The following TMEM267 variants were observed in gnomAD, a reference collection of about 807,000 sequenced individuals.
TMEM267 encodes the protein transmembrane protein 267.
In TMEM267, 20 loss-of-function variants were observed where a neutral mutation model predicts 19.3. The ratio of observed to expected loss-of-function variants is 1.04; its 90% CI spans 0.73 to 1.51. The LOEUF (loss-of-function observed/expected upper bound fraction) is 1.51, where lower values mean the gene tolerates loss of function less well. TMEM267 is among the 40% of genes most tolerant of loss of function. The probability of loss-of-function intolerance (pLI) is 0.00; values close to 1 mark genes in which losing one functional copy is unlikely to be tolerated. For synonymous variants in TMEM267, 88 were observed against 90.3 expected, an observed-to-expected ratio of 0.97 and a Z score of 0.15; for missense variants, 242 against 261.9, an observed-to-expected ratio of 0.92 and a Z score of 0.52.
intron 1 of TMEM267, among the ~76,000 whole-genome samples, chr5:43,462,838 A>G (rs1220553101): frequency 5.9e-5 from 9 of 152,206 alleles, no homozygotes; most frequent in Non-Finnish European, 1.0e-4. Context: ...AGAAAGCAGG[A>G]AAGACCCAAA....
chr5:43,447,145 T>C (rs1002542096), intron 2 of TMEM267, among the ~76,000 whole-genome samples: 23 of 151,068 alleles, frequency 1.5e-4, no homozygotes, highest in Non-Finnish European at 5.9e-5. Context: ...CAGGCTGGAG[T>C]GCGGTGGCGC....
intron 1 of TMEM267, among the ~76,000 whole-genome samples, chr5:43,458,896 T>C (rs1743099908): frequency 6.6e-6 from 1 of 152,036 alleles, no homozygotes; most frequent in Admixed American, 6.6e-5. Context: ...TGAGAACATT[T>C]GCAAATAATT....
At position 43,447,385 on chromosome 5, in the gene TMEM267, C is replaced by T. The variant is rs145419426; in HGVS notation, c.313-828G>A. On this transcript the variant is annotated intron_variant, in intron 2 of 2. Coordinates refer to ENST00000397080, the MANE Select transcript of TMEM267 (RefSeq NM_022483.5). The stretch of plus-strand genomic sequence containing the variant: ...GATTACAGACGTGAGCCATGACGCC[C>T]GGCAAACTTCAGTAAATTTCTAAAC... 3.5e-3 allele frequency among the ~76,000 whole-genome samples: 534 copies of T among 151,998 alleles called. 4 individuals are homozygous for T. The highest frequency in any genetic ancestry group is 6.5e-3 in the Non-Finnish European group (442 of 67,942).
chr5:43,457,140 C>T (rs115263792), intron 1 of TMEM267, among the ~76,000 whole-genome samples: 213 of 152,256 alleles, frequency 1.4e-3, no homozygotes, highest in African/African-American at 1.8e-3. Flanking sequence ...TAGAACTGTG[C>T]GACATAAAGG....
intron 1 of TMEM267, among the ~76,000 whole-genome samples, chr5:43,474,590 T>C (rs1744298660): frequency 1.3e-5 from 2 of 151,866 alleles, no homozygotes; most frequent in Admixed American, 6.6e-5. Context: ...AGAAATCCCA[T>C]CTCTACTAAA....
chr5:43,455,398 G>A (rs916030495), intron 1 of TMEM267, among the ~76,000 whole-genome samples: 1 of 151,656 alleles, frequency 6.6e-6, no homozygotes, highest in Non-Finnish European at 1.5e-5. Flanking sequence ...ATGCCAGCCT[G>A]GGCAACACAG....
At chr5:43,450,633 T>G (rs982328959) in intron 2 of TMEM267, among the ~76,000 whole-genome samples, 1 of 152,220 alleles carries the variant, frequency 6.6e-6, no homozygotes, top group African/African-American at 2.4e-5. Flanking sequence ...CAGCTGGGAT[T>G]TGACCCTGGG....
At chr5:43,477,850 G>T (rs1454229617) in intron 1 of TMEM267, among the ~76,000 whole-genome samples, 2 of 152,252 alleles carry the variant, frequency 1.3e-5, no homozygotes, top group Non-Finnish European at 1.5e-5. Context: ...CAAGCTGCAA[G>T]GCTGGAGAAG....
intron 1 of TMEM267, among the ~76,000 whole-genome samples, chr5:43,459,794 G>T (rs78748221): frequency 2.0e-5 from 3 of 152,112 alleles, no homozygotes; most frequent in African/African-American, 7.2e-5. Flanking sequence ...ATGAAGCAGT[G>T]GTCCCAGTCC....
intron 1 of TMEM267, among the ~76,000 whole-genome samples, chr5:43,460,888 T>C (rs1743218332): frequency 6.6e-6 from 1 of 152,194 alleles, no homozygotes; most frequent in South Asian, 2.1e-4. Flanking sequence ...TGAAAGGCAG[T>C]GTAGGCCTTA....
At chr5:43,459,307 A>C (rs903774504) in intron 1 of TMEM267, among the ~76,000 whole-genome samples, 6 of 152,192 alleles carry the variant, frequency 3.9e-5, no homozygotes, top group Admixed American at 6.5e-5. Context: ...GAAAAGAAAA[A>C]AAAGAAAACC....
chr5:43,475,121 C>T (rs369140147), intron 1 of TMEM267, among the ~76,000 whole-genome samples: 4 of 152,156 alleles, frequency 2.6e-5, no homozygotes, highest in Non-Finnish European at 5.9e-5. Flanking sequence ...AGGCTTGGAA[C>T]GAAATGCCCA....
chr5:43,462,026 A>G (rs1743300241), intron 1 of TMEM267, among the ~76,000 whole-genome samples: 1 of 152,240 alleles, frequency 6.6e-6, no homozygotes, highest in African/African-American at 2.4e-5. Context: ...CAGCACAGTC[A>G]TGGTAGTTGT....
intron 1 of TMEM267, among the ~76,000 whole-genome samples, chr5:43,472,265 G>C (rs193034387): frequency 6.6e-6 from 1 of 152,118 alleles, no homozygotes; most frequent in Non-Finnish European, 1.5e-5. Context: ...AGTTAAAATG[G>C]CTTATATCCA....
rs1742771330 is a variant in TMEM267, at chr5:43,453,909, T to A, written c.61A>T (p.Ile21Phe). The change falls in exon 2 of 3, where the codon ATT (isoleucine) becomes TTT (phenylalanine). Residue 21 changes from isoleucine to phenylalanine, a missense_variant. Ile to Phe is a conservative substitution (Grantham distance 21, BLOSUM62 0). Coordinates refer to ENST00000397080, the MANE Select transcript of TMEM267 (RefSeq NM_022483.5). ...LLQTCSTESL[I>F]SSLGLGAFCL... ...AATGCCCCCAGACCAAGGCTGGAAA[T>A]AAGAGATTCAGTGCTACAAGTCTGC... The A allele has an allele frequency of 1.2e-6, 2 of 1,614,010 alleles. No homozygotes were observed. The highest frequency in any genetic ancestry group is 1.7e-6 in the Non-Finnish European group (2 of 1,179,996).
chr5:43,478,903 G>T (rs1274400210), intron 1 of TMEM267, among the ~76,000 whole-genome samples: 1 of 151,982 alleles, frequency 6.6e-6, no homozygotes, highest in Admixed American at 6.5e-5. Flanking sequence ...AAGATTATTG[G>T]CAAGAATGTA....
chr5:43,481,608 TG>T, intron 1 of TMEM267, among the ~76,000 whole-genome samples: 1 of 152,196 alleles, frequency 6.6e-6, no homozygotes, highest in East Asian at 1.9e-4. Flanking sequence ...TTATATATAA[TG>T]GGTATAATGC....
At chr5:43,454,184 T>C (rs1307426504) in intron 1 of TMEM267, 141 bp from the exon 2 acceptor site, 2 of 514,694 alleles carry the variant, frequency 3.9e-6, no homozygotes, top group African/African-American at 4.0e-5. Context: ...ATATATAATA[T>C]GTCACATAGC....
chr5:43,477,977 T>C (rs1019163660), intron 1 of TMEM267, among the ~76,000 whole-genome samples: 2 of 152,228 alleles, frequency 1.3e-5, no homozygotes, highest in African/African-American at 2.4e-5. Flanking sequence ...TTTCAACTTA[T>C]GTAATTTTTG....
Sources: allele counts gnomAD v4.1 joint callset (sites outside exome capture counted in the v4.1 genomes callset), GRCh38; gene constraint gnomAD v4.1.1; transcripts MANE v1.5; gene names NCBI Gene and HGNC (gene_info 2026-07-23, HGNC 2026-07-21).